Variants in ARSG observed in about 807,000 individuals in gnomAD.
The protein encoded by ARSG is arylsulfatase G.
In ARSG, 37 loss-of-function variants were observed where a neutral mutation model predicts 50.5. That is an observed-to-expected ratio of 0.73 (90% CI 0.56 to 0.96). ARSG has a LOEUF of 0.96. Ranked by LOEUF, ARSG falls within the 50% of genes least tolerant of loss-of-function variation. The probability of loss-of-function intolerance (pLI) is 0.00; values close to 1 mark genes in which losing one functional copy is unlikely to be tolerated. For synonymous variants in ARSG, 225 were observed against 254.6 expected (o/e 0.88, Z 1.11); for missense variants, 629 against 675.3 (o/e 0.93, Z 0.76).
chr17:68,436,981 G>A, the ARSG span, among the ~76,000 whole-genome samples: 9 of 134,106 alleles, frequency 6.7e-5, no homozygotes, highest in Non-Finnish European at 1.4e-4. Flanking sequence ...GCTACAGAGT[G>A]AGACCCCGTC....
chr17:68,335,494 C>T (rs113774811), intron 2 of ARSG, among the ~76,000 whole-genome samples: 3 of 148,600 alleles, frequency 2.0e-5, no homozygotes, highest in African/African-American at 7.5e-5. Context: ...GCGGAGCTTG[C>T]AGTGAGCCGA....
chr17:68,325,203 A>C (rs782358025), intron 2 of ARSG, among the ~76,000 whole-genome samples: 1 of 152,118 alleles, frequency 6.6e-6, no homozygotes, highest in Non-Finnish European at 1.5e-5. Context: ...TGTCAGATCA[A>C]CAGCGGCATT....
rs781789964 is a variant in ARSG at position 68,271,319 on chromosome 17, C to A, written c.-552+11893C>A. On this transcript the variant is annotated intron_variant, in intron 1 of 11. Coordinates refer to the ARSG transcript ENST00000448504. The surrounding 1 kb of genome is among the most constrained non-coding windows in gnomAD (Gnocchi z 5.3). ...AAAATGGAGAAGTCTAATAGCGGGGCTTTCTTTTCGCTTGGCCTGGGGCTG... is the reference window on the plus strand; with the variant it reads ...AAAATGGAGAAGTCTAATAGCGGGGATTTCTTTTCGCTTGGCCTGGGGCTG... 2.9e-5 allele frequency: 47 copies of A among 1,614,116 alleles called. No individual in the cohort carries two copies. Among genetic ancestry groups the A allele is most frequent in the Middle Eastern group, 1.6e-4 (1 of 6,084 alleles).
intron 1 of ARSG, chr17:68,268,199 T>C (rs1555747022): frequency 6.6e-6 from 1 of 152,544 alleles, no homozygotes; most frequent in African/African-American, 2.4e-5. Context: ...GTAAAAATGC[T>C]GCTTATGTCT....
At chr17:68,343,009 A>AT (rs1358511223) in intron 2 of ARSG, among the ~76,000 whole-genome samples, 8 of 152,232 alleles carry the variant, frequency 5.3e-5, no homozygotes, top group African/African-American at 1.9e-4. Context: ...AAGTAGGCAC[A>AT]TTTGAAATGT....
chr17:68,315,404 G>A (rs1233074482), intron 2 of ARSG, among the ~76,000 whole-genome samples: 5 of 152,054 alleles, frequency 3.3e-5, no homozygotes, highest in Non-Finnish European at 1.5e-5. Flanking sequence ...TTAGCTGGGC[G>A]TGGTCCTACC....
At chr17:68,315,555 AT>A (rs1323800044) in intron 2 of ARSG, among the ~76,000 whole-genome samples, 2 of 151,450 alleles carry the variant, frequency 1.3e-5, no homozygotes, top group African/African-American at 4.9e-5. Context: ...GAATCTCATC[AT>A]TTTTTTTCTC....
intron 2 of ARSG, among the ~76,000 whole-genome samples, chr17:68,309,976 T>TTG (rs1478168373): frequency 7.8e-6 from 1 of 128,360 alleles, no homozygotes; most frequent in Non-Finnish European, 1.6e-5. Context: ...GTTTGTTTTG[T>TTG]TGTGTTTTTT....
chr17:68,419,931 C>A (rs1481769177), intron 11 of ARSG, among the ~76,000 whole-genome samples: 3 of 152,094 alleles, frequency 2.0e-5, no homozygotes, highest in African/African-American at 7.2e-5. Context: ...TGCATTCCAG[C>A]CTGGGCAACG....
At chr17:68,274,839 GGT>G (rs2075459911) in intron 1 of ARSG, among the ~76,000 whole-genome samples, 1 of 151,520 alleles carries the variant, frequency 6.6e-6, no homozygotes, top group Non-Finnish European at 1.5e-5. Flanking sequence ...GGAGTGCAGT[GGT>G]GTGATCTCGG....
intron 9 of ARSG, among the ~76,000 whole-genome samples, chr17:68,388,651 A>G (rs1473235738): frequency 1.3e-5 from 2 of 152,114 alleles, no homozygotes; most frequent in Non-Finnish European, 2.9e-5. Flanking sequence ...CTAAGGCCGG[A>G]CGCAGTGGCT....
intron 2 of ARSG, among the ~76,000 whole-genome samples, chr17:68,330,479 C>G (rs762072772): frequency 8.1e-4 from 123 of 151,898 alleles, no homozygotes; most frequent in Admixed American, 1.2e-3. Context: ...TGGATAGATT[C>G]TGGATATATT....
intron 4 of ARSG, among the ~76,000 whole-genome samples, chr17:68,349,204 A>G (rs1228029804): frequency 6.6e-6 from 1 of 152,124 alleles, no homozygotes; most frequent in African/African-American, 2.4e-5. Flanking sequence ...AGGCTGAGGC[A>G]GGGGAACCGC....
intron 9 of ARSG, among the ~76,000 whole-genome samples, chr17:68,387,949 G>A (rs11650971): frequency 0.17 from 25,271 of 151,980 alleles, 4,150 homozygotes; most frequent in African/African-American, 0.4. Flanking sequence ...GAGATAACCA[G>A]TGTTAATATC....
At chr17:68,306,729 A>G (rs1249798156) in intron 1 of ARSG, among the ~76,000 whole-genome samples, 7 of 152,176 alleles carry the variant, frequency 4.6e-5, no homozygotes, top group Admixed American at 2.0e-4. Context: ...GGCAGAGATC[A>G]TCTCTAATGT....
At chr17:68,435,744 G>A in the ARSG span, 1 of 1,598,218 alleles carries the variant, frequency 6.3e-7, no homozygotes, top group South Asian at 1.1e-5. Flanking sequence ...GGATACAGAT[G>A]CTGCGGAGGA....
chr17:68,324,070 C>CA (rs57040262), intron 2 of ARSG, among the ~76,000 whole-genome samples: 1,733 of 89,796 alleles, frequency 0.019, 62 homozygotes, highest in African/African-American at 0.058. Flanking sequence ...AAAACTCCAT[C>CA]AAAAAAAAAA....
intron 9 of ARSG, among the ~76,000 whole-genome samples, chr17:68,385,597 A>C (rs1187147373): frequency 6.7e-6 from 1 of 148,696 alleles, no homozygotes; most frequent in Admixed American, 6.7e-5. Flanking sequence ...GGAGGGAGAA[A>C]CAGTGAAGTG....
intron 5 of ARSG, among the ~76,000 whole-genome samples, chr17:68,353,469 G>A (rs997663108): frequency 1.1e-4 from 16 of 152,094 alleles, no homozygotes; most frequent in African/African-American, 3.6e-4. Context: ...AGCTATGATT[G>A]CATCACTGCA....
Sources: gnomAD v4.1 joint callset for allele counts (sites outside exome capture counted in the v4.1 genomes callset) on GRCh38, gnomAD v4.1.1 for gene constraint, Gnocchi (gnomAD v3.1) non-coding constraint, MANE v1.5 for transcripts, NCBI Gene and HGNC (gene_info 2026-07-23, HGNC 2026-07-21) for gene names.